Variants in ENOX1 observed in about 807,000 individuals in gnomAD.
The protein encoded by ENOX1 is ecto-NOX disulfide-thiol exchanger 1.
In ENOX1, 42 loss-of-function variants were observed where a neutral mutation model predicts 82.5. That is an observed-to-expected ratio of 0.51 (90% CI 0.40 to 0.66). The LOEUF is 0.66. Ranked by LOEUF, ENOX1 falls within the 30% of genes least tolerant of loss-of-function variation. The probability of loss-of-function intolerance (pLI) is 0.00; values close to 1 mark genes in which losing one functional copy is unlikely to be tolerated. For synonymous variants in ENOX1, 271 were observed against 282.2 expected (o/e 0.96, Z 0.40); for missense variants, 608 against 811.6 (o/e 0.75, Z 3.05).
intron 12 of ENOX1, among the ~76,000 whole-genome samples, chr13:43,289,308 A>G (rs2045873339): frequency 6.6e-6 from 1 of 152,174 alleles, no homozygotes; most frequent in Non-Finnish European, 1.5e-5. Context: ...ACACTACCTG[A>G]CTTCAAACTA....
chr13:43,653,538 T>A (rs1217785633), intron 2 of ENOX1, among the ~76,000 whole-genome samples: 2 of 152,236 alleles, frequency 1.3e-5, no homozygotes, highest in Non-Finnish European at 2.9e-5. Flanking sequence ...TAGTATATAT[T>A]GTGAATTTGC....
intron 2 of ENOX1, among the ~76,000 whole-genome samples, chr13:43,532,381 T>C (rs2078268153): frequency 6.6e-6 from 1 of 152,156 alleles, no homozygotes; most frequent in Admixed American, 6.5e-5. Context: ...CAAAGTATGG[T>C]CCACAGAACC....
rs117393794 is a variant in ENOX1, at chr13:43,305,661, T to C, written c.1262-7131A>G. Reference sequence around the variant, plus strand: ...AGGTGCTGCTGGGCTGCTGCCACTATGGAGACTTCACATCATGCCTCATCA... The same window carrying C: ...AGGTGCTGCTGGGCTGCTGCCACTACGGAGACTTCACATCATGCCTCATCA... On this transcript the variant is annotated intron_variant, in intron 11 of 16. Transcript: ENST00000690772. 1.9e-3 allele frequency among the ~76,000 whole-genome samples: 287 copies of C among 152,316 alleles called. 3 individuals are homozygous for C. The East Asian group carries it at 0.039, about 21-fold the overall frequency.
Position 43,356,030 on chromosome 13 carries a change from C to T in ENOX1, c.712G>A (p.Glu238Lys). 6.2e-7 allele frequency: 1 copy of T among 1,614,172 alleles called. No homozygotes were observed. Among genetic ancestry groups the T allele is most frequent in the Admixed American group, 1.7e-5 (1 of 60,032 alleles). The change falls in exon 8 of 17, where the codon GAG (glutamate) becomes AAG (lysine). Residue 238 changes from glutamate to lysine, a missense_variant. By Grantham distance (56) the Glu-to-Lys change is moderately conservative. Transcript: ENST00000690772. ...WECKQRMRAREERHRRKLEED... is the reference protein window; with the variant it reads ...WECKQRMRARKERHRRKLEED... ...TCCAGCTTGCGCCGGTGCCGCTCCT[C>T]CCGGGCACGCATCCTCTGCTTGCAT...
At chr13:43,492,539 T>C (rs1281069715) in intron 2 of ENOX1, among the ~76,000 whole-genome samples, 1 of 152,168 alleles carries the variant, frequency 6.6e-6, no homozygotes, top group Non-Finnish European at 1.5e-5. Context: ...AACTAAAACT[T>C]AACCCCAGTG....
intron 2 of ENOX1, among the ~76,000 whole-genome samples, chr13:43,626,619 TTA>T: frequency 6.6e-6 from 1 of 151,922 alleles, no homozygotes; most frequent in Non-Finnish European, 1.5e-5. Flanking sequence ...TATATTTCTG[TTA>T]TCTCTAGCTT....
chr13:43,214,189 A>G, intron 16 of ENOX1, 68 bp from the exon 17 acceptor site: 2 of 1,536,488 alleles, frequency 1.3e-6, no homozygotes, highest in Non-Finnish European at 8.9e-7. Flanking sequence ...GGATTGGGGA[A>G]GGATGAGCTT....
At chr13:43,388,484 C>T (rs2052567804) in intron 5 of ENOX1, among the ~76,000 whole-genome samples, 1 of 152,146 alleles carries the variant, frequency 6.6e-6, no homozygotes, top group Non-Finnish European at 1.5e-5. Flanking sequence ...ATTAATCATG[C>T]ACCTATATGT....
intron 1 of ENOX1, among the ~76,000 whole-genome samples, chr13:43,674,456 AT>A (rs1373057829): frequency 1.3e-5 from 2 of 152,210 alleles, no homozygotes; most frequent in Non-Finnish European, 2.9e-5. Flanking sequence ...TTAAAAGCAC[AT>A]TGCTAAGTGA....
intron 11 of ENOX1, among the ~76,000 whole-genome samples, chr13:43,321,510 C>T (rs1349222502): frequency 1.3e-5 from 2 of 152,178 alleles, no homozygotes; most frequent in Non-Finnish European, 2.9e-5. Context: ...CTTTTAGAAT[C>T]TTGATTTTGG....
At chr13:43,457,645 T>C (rs950029230) in intron 3 of ENOX1, among the ~76,000 whole-genome samples, 1 of 152,148 alleles carries the variant, frequency 6.6e-6, no homozygotes, top group African/African-American at 2.4e-5. Flanking sequence ...AATAAGAAGA[T>C]AAATTTCGGA....
chr13:43,625,367 C>T (rs1425878259), intron 2 of ENOX1, among the ~76,000 whole-genome samples: 2 of 151,966 alleles, frequency 1.3e-5, no homozygotes, highest in Non-Finnish European at 2.9e-5. Flanking sequence ...CCTTTTGGCA[C>T]TCTGTTGAAT....
chr13:43,683,079 T>C (rs976849495), intron 1 of ENOX1, among the ~76,000 whole-genome samples: 1 of 152,152 alleles, frequency 6.6e-6, no homozygotes, highest in Non-Finnish European at 1.5e-5. Context: ...ATCTTTGGAA[T>C]TGTCAGCCAA....
intron 1 of ENOX1, among the ~76,000 whole-genome samples, chr13:43,716,809 C>T (rs1003345306): frequency 4.6e-5 from 7 of 150,636 alleles, no homozygotes; most frequent in African/African-American, 1.7e-4. Flanking sequence ...AATGAATTAC[C>T]TAGGAATTCA....
At chr13:43,321,042 A>C in intron 11 of ENOX1, 1 of 456,244 alleles carries the variant, frequency 2.2e-6, no homozygotes, top group Non-Finnish European at 4.4e-6. Flanking sequence ...CATTTTTCAG[A>C]CAAGGGATAT....
intron 3 of ENOX1, among the ~76,000 whole-genome samples, chr13:43,481,083 T>C (rs1467359791): frequency 6.6e-6 from 1 of 151,966 alleles, no homozygotes; most frequent in Non-Finnish European, 1.5e-5. Flanking sequence ...GTGCAAAAAT[T>C]CTCAACAAAA....
chr13:43,544,867 T>C (rs942460576), intron 2 of ENOX1: 1 of 152,128 alleles, frequency 6.6e-6, no homozygotes, highest in Non-Finnish European at 1.5e-5. Context: ...GAGGGAGTGA[T>C]ATTTTTGCTT....
At chr13:43,749,438 A>G (rs1950193800) in intron 1 of ENOX1, among the ~76,000 whole-genome samples, 1 of 152,216 alleles carries the variant, frequency 6.6e-6, no homozygotes, top group African/African-American at 2.4e-5. Context: ...TTGCTTTTTT[A>G]CCTTTGAACA....
At chr13:43,218,626 A>T (rs1221414348) in intron 16 of ENOX1, among the ~76,000 whole-genome samples, 3 of 152,178 alleles carry the variant, frequency 2.0e-5, no homozygotes, top group African/African-American at 7.2e-5. Flanking sequence ...ACCCTGACAC[A>T]AGAAAAAAAG....
Sources: allele counts gnomAD v4.1 joint callset (sites outside exome capture counted in the v4.1 genomes callset), GRCh38; gene constraint gnomAD v4.1.1; transcripts MANE v1.5; gene names NCBI Gene and HGNC (gene_info 2026-07-23, HGNC 2026-07-21).